Variants in CHST11 observed in about 807,000 individuals in gnomAD.
The protein encoded by CHST11 is C4S-1.
In CHST11, 9 loss-of-function variants were observed where a neutral mutation model predicts 30.4. The ratio of observed to expected loss-of-function variants is 0.30; its 90% CI spans 0.18 to 0.52. The LOEUF (loss-of-function observed/expected upper bound fraction) is 0.52, where lower values mean the gene tolerates loss of function less well. Ranked by LOEUF, CHST11 falls within the 20% of genes least tolerant of loss-of-function variation. The pLI is 0.97. For synonymous variants in CHST11, 152 were observed against 187.8 expected (o/e 0.81, Z 1.56); for missense variants, 348 against 460.6 (o/e 0.76, Z 2.24).
chr12:104,632,019 A>G (rs758118809), intron 2 of CHST11, among the ~76,000 whole-genome samples: 6 of 151,710 alleles, frequency 4.0e-5, no homozygotes, highest in Non-Finnish European at 7.4e-5. Flanking sequence ...TACAACACCA[A>G]CCCTTCCCTC....
intron 2 of CHST11, among the ~76,000 whole-genome samples, chr12:104,755,839 A>G (rs1471092248): frequency 6.6e-6 from 1 of 152,136 alleles, no homozygotes; most frequent in African/African-American, 2.4e-5. Flanking sequence ...TTGAGAGGGG[A>G]GAATCCCAGA....
rs145337916 is a variant in CHST11 at position 104,457,498 on chromosome 12, C to T, written c.87C>T (p.Val29=). ...CTTGCTTGGGATCCTTTATCCTGGT[C>T]ATCTTCTATTTCCAAAGTATGTTGC... The part of the protein sequence containing the change: ...LATCLGSFIL[V]IFYFQSMLHP... The change falls in exon 1 of 3, where the codon GTC becomes GTT. Residue 29 remains valine, a synonymous_variant. Transcript: ENST00000303694. 5 of 1,613,758 alleles carry T rather than the reference C, an allele frequency of 3.1e-6. No individual in the cohort carries two copies. In the African/African-American group the frequency reaches 6.7e-5, roughly 22 times the overall value.
chr12:104,632,163 G>A (rs2039277278), intron 2 of CHST11, among the ~76,000 whole-genome samples: 1 of 152,088 alleles, frequency 6.6e-6, no homozygotes, highest in African/African-American at 2.4e-5. Flanking sequence ...GAGACCTCCT[G>A]GATTCCAGGC....
At chr12:104,549,298 C>T (rs1449129177) in intron 1 of CHST11, among the ~76,000 whole-genome samples, 1 of 152,150 alleles carries the variant, frequency 6.6e-6, no homozygotes, top group Non-Finnish European at 1.5e-5. Flanking sequence ...ACATATCCTG[C>T]TGGGCTAGTT....
intron 1 of CHST11, among the ~76,000 whole-genome samples, chr12:104,511,053 T>G (rs1446880196): frequency 6.6e-6 from 1 of 152,148 alleles, no homozygotes; most frequent in Non-Finnish European, 1.5e-5. Flanking sequence ...GGGAGATAAA[T>G]TTTCTAGACT....
intron 2 of CHST11, among the ~76,000 whole-genome samples, chr12:104,636,214 T>C (rs1014318287): frequency 6.6e-6 from 1 of 152,210 alleles, no homozygotes; most frequent in Admixed American, 6.5e-5. Context: ...TGTTGTTCAG[T>C]GTCCTCAGAC....
At chr12:104,483,150 C>T (rs570868700) in intron 1 of CHST11, among the ~76,000 whole-genome samples, 20 of 152,332 alleles carry the variant, frequency 1.3e-4, no homozygotes, top group African/African-American at 3.8e-4. Context: ...ATTCTCCACA[C>T]CCTTCACATC....
chr12:104,601,193 T>C (rs1217843163), intron 1 of CHST11, among the ~76,000 whole-genome samples: 2 of 152,128 alleles, frequency 1.3e-5, no homozygotes, highest in Non-Finnish European at 1.5e-5. Context: ...CATGAGGGGC[T>C]GCACAGAGTG....
At chr12:104,598,733 T>C (rs932625541) in intron 1 of CHST11, among the ~76,000 whole-genome samples, 3 of 152,228 alleles carry the variant, frequency 2.0e-5, no homozygotes, top group African/African-American at 7.2e-5. Context: ...TGACTCTCCT[T>C]CTCATCCTTC....
intron 2 of CHST11, among the ~76,000 whole-genome samples, chr12:104,740,513 G>A (rs1175006651): frequency 6.6e-6 from 1 of 152,192 alleles, no homozygotes; most frequent in African/African-American, 2.4e-5. Flanking sequence ...TTGGGTTCCA[G>A]TCTTTGCTCT....
chr12:104,509,552 G>C (rs922120311), intron 1 of CHST11, among the ~76,000 whole-genome samples: 3 of 152,154 alleles, frequency 2.0e-5, no homozygotes, highest in Middle Eastern at 3.2e-3. Context: ...GCATATAATA[G>C]ATGCTCAATT....
intron 2 of CHST11, among the ~76,000 whole-genome samples, chr12:104,649,312 A>G (rs181994064): frequency 5.4e-4 from 83 of 152,300 alleles, no homozygotes; most frequent in Middle Eastern, 3.4e-3. Flanking sequence ...TAACAGCAAT[A>G]TTAGCTATCC....
At chr12:104,616,252 T>G (rs553484201) in intron 2 of CHST11, among the ~76,000 whole-genome samples, 1 of 152,278 alleles carries the variant, frequency 6.6e-6, no homozygotes, top group African/African-American at 2.4e-5. Context: ...TTGGCTGTAC[T>G]TTAGAAGCAA....
intron 1 of CHST11, among the ~76,000 whole-genome samples, chr12:104,589,945 G>T (rs1219017732): frequency 6.6e-6 from 1 of 152,090 alleles, no homozygotes; most frequent in Non-Finnish European, 1.5e-5. Context: ...GGAGGAGGAG[G>T]CTGCAGTGAG....
intron 1 of CHST11, among the ~76,000 whole-genome samples, chr12:104,545,683 G>T (rs1265384552): frequency 6.6e-6 from 1 of 152,210 alleles, no homozygotes; most frequent in Non-Finnish European, 1.5e-5. Context: ...CAGTCTGGAA[G>T]CTGAAACTCT....
At chr12:104,643,296 C>G (rs1009062176) in intron 2 of CHST11, among the ~76,000 whole-genome samples, 12 of 152,178 alleles carry the variant, frequency 7.9e-5, no homozygotes, top group Non-Finnish European at 1.8e-4. Context: ...CCACTGTGTT[C>G]CAGCCTAGGC....
chr12:104,651,447 A>C (rs2136082092), intron 2 of CHST11, among the ~76,000 whole-genome samples: 1 of 152,140 alleles, frequency 6.6e-6, no homozygotes, highest in Non-Finnish European at 1.5e-5. Flanking sequence ...GTTACCCACC[A>C]CTGTTTTTCG....
At chr12:104,696,501 A>C (rs1049487492) in intron 2 of CHST11, among the ~76,000 whole-genome samples, 8 of 150,080 alleles carry the variant, frequency 5.3e-5, no homozygotes, top group African/African-American at 7.3e-5. Flanking sequence ...AAAAAAAAAA[A>C]AAAAAACATA....
chr12:104,475,356 GA>G (rs902791362), intron 1 of CHST11, among the ~76,000 whole-genome samples: 16 of 147,048 alleles, frequency 1.1e-4, no homozygotes, highest in East Asian at 3.9e-4. Context: ...GGGTGGCTAG[GA>G]AAAAAAAAAG....
Sources: allele counts gnomAD v4.1 joint callset (sites outside exome capture counted in the v4.1 genomes callset), GRCh38; gene constraint gnomAD v4.1.1; transcripts MANE v1.5; gene names NCBI Gene and HGNC (gene_info 2026-07-23, HGNC 2026-07-21).